ATP8A1: variants seen among roughly 807,000 people sequenced by gnomAD.
The protein encoded by ATP8A1 is phospholipid-transporting ATPase IA.
ATP8A1 carries 90 observed loss-of-function variants against 177.7 expected under a neutral mutation model. That is an observed-to-expected ratio of 0.51 (90% CI 0.43 to 0.60). The LOEUF (loss-of-function observed/expected upper bound fraction) is 0.60, where lower values mean the gene tolerates loss of function less well. ATP8A1 is among the 20% of genes least tolerant of loss of function. The pLI is 0.00. For missense variants in ATP8A1, 1,072 were observed against 1,392.8 expected (o/e 0.77, Z 3.67); for synonymous variants, 493 against 485.9 (o/e 1.01, Z -0.19).
At chr4:42,644,426 C>T (rs999566731) in intron 1 of ATP8A1, among the ~76,000 whole-genome samples, 2 of 152,170 alleles carry the variant, frequency 1.3e-5, no homozygotes, top group Non-Finnish European at 2.9e-5. Context: ...GCCAACAATT[C>T]AGAACTTTCC....
intron 15 of ATP8A1, among the ~76,000 whole-genome samples, chr4:42,562,926 A>G (rs1730990068): frequency 3.3e-5 from 5 of 152,156 alleles, no homozygotes; most frequent in Admixed American, 3.3e-4. Flanking sequence ...TTCTTCTGTA[A>G]ATTGCCCAGT....
At chr4:42,579,749 G>C (rs759662077) in intron 11 of ATP8A1, 64 bp downstream of exon 11, 5 of 1,356,472 alleles carry the variant, frequency 3.7e-6, no homozygotes, top group Non-Finnish European at 5.1e-6. Context: ...AGTAAATCAA[G>C]ATCAATTGTG....
chr4:42,553,399 C>T (rs1729708713), intron 16 of ATP8A1, among the ~76,000 whole-genome samples: 1 of 152,148 alleles, frequency 6.6e-6, no homozygotes, highest in Non-Finnish European at 1.5e-5. Flanking sequence ...AAAATGGTAA[C>T]TTTATTCATA....
intron 24 of ATP8A1, among the ~76,000 whole-genome samples, chr4:42,499,841 C>A (rs1002352709): frequency 1.3e-5 from 2 of 152,168 alleles, no homozygotes; most frequent in Admixed American, 6.5e-5. Flanking sequence ...GTATGAGATT[C>A]TCTAGTGCTT....
rs1712685562 is a variant in ATP8A1, at chr4:42,412,124, C to T, written c.*792G>A. 6.6e-6 allele frequency: 1 copy of T among 152,166 alleles called. No individual in the cohort carries two copies. 9.4% of individuals were successfully genotyped at this position (152,166 alleles called of 1,614,324 possible). ...CTGAAACATACATAGTTTGAAAAAT[C>T]AGTGTCATAACAACAGAGTCACATT... On this transcript the variant is annotated 3_prime_UTR_variant, in exon 37 of 37. Transcript: ENST00000381668.
At chr4:42,446,935 A>G (rs1165477354) in intron 30 of ATP8A1, among the ~76,000 whole-genome samples, 1 of 152,316 alleles carries the variant, frequency 6.6e-6, no homozygotes, top group Middle Eastern at 3.4e-3. Context: ...ACAAAGCAGG[A>G]AAGGGCATTC....
chr4:42,539,868 C>A (rs1728212850), intron 20 of ATP8A1, among the ~76,000 whole-genome samples: 1 of 152,092 alleles, frequency 6.6e-6, no homozygotes, highest in Admixed American at 6.6e-5. Context: ...CTAGGGAAAA[C>A]TATCCTGGGC....
At chr4:42,552,912 G>A (rs1433255388) in intron 16 of ATP8A1, among the ~76,000 whole-genome samples, 3 of 152,168 alleles carry the variant, frequency 2.0e-5, no homozygotes, top group Admixed American at 1.3e-4. Context: ...CCGGGAGGCG[G>A]GAGGCGGAGG....
At chr4:42,594,596 T>C (rs1468170649) in intron 6 of ATP8A1, among the ~76,000 whole-genome samples, 3 of 152,150 alleles carry the variant, frequency 2.0e-5, no homozygotes, top group African/African-American at 4.8e-5. Flanking sequence ...AAAATCAATC[T>C]ATTCTATCCA....
At chr4:42,586,314 G>C (rs1179096640) in intron 9 of ATP8A1, 35 bp downstream of exon 9, 4 of 1,606,708 alleles carry the variant, frequency 2.5e-6, no homozygotes, top group East Asian at 2.2e-5. Flanking sequence ...TGACACAGTG[G>C]ATTCTGTGTT....
chr4:42,429,260 GTTGAAGGTTGA>G (rs915687562), intron 33 of ATP8A1, among the ~76,000 whole-genome samples: 29 of 152,252 alleles, frequency 1.9e-4, no homozygotes, highest in African/African-American at 7.0e-4. Flanking sequence ...TGCCTTTTCT[GTTGAAGGTTGA>G]CGAGTGTGCA....
intron 33 of ATP8A1, among the ~76,000 whole-genome samples, chr4:42,427,231 A>C (rs1403164479): frequency 6.6e-6 from 1 of 152,262 alleles, no homozygotes; most frequent in African/African-American, 2.4e-5. Context: ...CATAACTAAA[A>C]AAGTAAACAA....
rs758002630 is a variant in ATP8A1 at position 42,522,156 on chromosome 4, G to C, written c.1947+4C>G. On this transcript the variant is annotated splice_donor_region_variant and intron_variant, in intron 22 of 36. Transcript: ENST00000381668. ...CTGTATGATCAACAGAATCATCCAC[G>C]TACCTTTTCAATCAACTCATAACTC... is the stretch of plus-strand genomic sequence containing the variant. 27 of 1,604,730 alleles carry C rather than the reference G, an allele frequency of 1.7e-5. No individual in the cohort carries two copies. Among genetic ancestry groups the C allele is most frequent in the Non-Finnish European group, 2.3e-5 (27 of 1,177,722 alleles).
intron 24 of ATP8A1, among the ~76,000 whole-genome samples, chr4:42,494,872 A>T (rs1445321182): frequency 6.6e-6 from 1 of 152,206 alleles, no homozygotes; most frequent in East Asian, 1.9e-4. Context: ...TTTTGCTGAC[A>T]TGTTCTTCAG....
intron 15 of ATP8A1, among the ~76,000 whole-genome samples, chr4:42,559,393 T>A (rs973815137): frequency 6.6e-6 from 1 of 152,168 alleles, no homozygotes; most frequent in African/African-American, 2.4e-5. Context: ...TATAAATGGC[T>A]TTATATATAC....
intron 1 of ATP8A1, among the ~76,000 whole-genome samples, chr4:42,631,213 T>C (rs1292445362): frequency 6.6e-6 from 1 of 152,184 alleles, no homozygotes; most frequent in Non-Finnish European, 1.5e-5. Flanking sequence ...TTACCTATTA[T>C]ACCTCTGGTT....
intron 21 of ATP8A1, among the ~76,000 whole-genome samples, chr4:42,523,171 T>C (rs1052028388): frequency 2.6e-5 from 4 of 152,152 alleles, no homozygotes; most frequent in Non-Finnish European, 5.9e-5. Flanking sequence ...AAAGCTGATA[T>C]GTAAAGTGAC....
intron 25 of ATP8A1, among the ~76,000 whole-genome samples, chr4:42,474,466 C>T (rs1371115085): frequency 1.3e-5 from 2 of 152,180 alleles, no homozygotes; most frequent in Non-Finnish European, 2.9e-5. Context: ...AAAAACAAAA[C>T]ACTCCAATTC....
chr4:42,560,004 C>T (rs567449761), intron 15 of ATP8A1, among the ~76,000 whole-genome samples: 14 of 152,208 alleles, frequency 9.2e-5, no homozygotes, highest in Non-Finnish European at 2.1e-4. Flanking sequence ...CTGCACCCAA[C>T]CCCTACAGTC....
Sources: gnomAD v4.1 joint callset for allele counts (sites outside exome capture counted in the v4.1 genomes callset) on GRCh38, gnomAD v4.1.1 for gene constraint, MANE v1.5 for transcripts, NCBI Gene and HGNC (gene_info 2026-07-23, HGNC 2026-07-21) for gene names.